PDCD6IP: variants seen among roughly 807,000 people sequenced by gnomAD.
PDCD6IP encodes programmed cell death 6 interacting protein.
In PDCD6IP, 43 loss-of-function variants were observed where a neutral mutation model predicts 103.7. The ratio of observed to expected loss-of-function variants is 0.41; its 90% CI spans 0.32 to 0.53. PDCD6IP has a LOEUF of 0.53. Among genes scored for constraint, PDCD6IP ranks in the 20% least tolerant of loss-of-function variants. The probability of loss-of-function intolerance (pLI) is 0.16; values close to 1 mark genes in which losing one functional copy is unlikely to be tolerated. For synonymous variants in PDCD6IP, 354 were observed against 378.7 expected, an observed-to-expected ratio of 0.93 and a Z score of 0.76; for missense variants, 871 against 1,036.7, an observed-to-expected ratio of 0.84 and a Z score of 2.20.
intron 7 of PDCD6IP, among the ~76,000 whole-genome samples, chr3:33,833,576 T>C (rs1405646359): frequency 1.3e-5 from 2 of 152,224 alleles, no homozygotes; most frequent in Non-Finnish European, 2.9e-5. Flanking sequence ...TCTTTTGCTA[T>C]TTGGCTATCA....
At chr3:33,826,911 A>G in intron 6 of PDCD6IP, 2 of 1,057,764 alleles carry the variant, frequency 1.9e-6, no homozygotes, top group Non-Finnish European at 2.3e-6. Flanking sequence ...TGGTACAAGC[A>G]TGTATACTTG....
At chr3:33,819,017 CTT>C (rs1220630165) in intron 3 of PDCD6IP, among the ~76,000 whole-genome samples, 3 of 151,922 alleles carry the variant, frequency 2.0e-5, no homozygotes, top group Non-Finnish European at 4.4e-5. Flanking sequence ...AGTTTGAACA[CTT>C]ATATCTCCCT....
At position 33,864,106 on chromosome 3, in the gene PDCD6IP, A is replaced by T. The variant is rs757738871; in HGVS notation, c.2221A>T (p.Thr741Ser). 6.2e-7 allele frequency: 1 copy of T among 1,607,348 alleles called. No individual in the cohort carries two copies. The highest frequency in any genetic ancestry group is 8.5e-7 in the Non-Finnish European group (1 of 1,173,984). ...PAGGHAPTPPTPAPRTMPPTK... is the reference protein window; with the variant it reads ...PAGGHAPTPPSPAPRTMPPTK... ...AGGAGGACATGCACCAACTCCTCCA[A>T]CTCCAGCGCCAAGAACCATGCCGGT... is the stretch of plus-strand genomic sequence containing the variant. The change falls in exon 16 of 18, where the codon ACT becomes TCT. Residue 741 changes from threonine (T) to serine (S), a missense_variant. Thr to Ser is a moderately conservative substitution (Grantham distance 58, BLOSUM62 1). Around this residue, in one of 5 missense-constraint regions of PDCD6IP, gnomAD observed 202 missense variants for 205.2 expected, o/e 0.98. Transcript: ENST00000307296.
chr3:33,842,216 C>T (rs2125566573), intron 10 of PDCD6IP, 142 bp downstream of exon 10: 1 of 536,184 alleles, frequency 1.9e-6, no homozygotes, highest in East Asian at 3.0e-5. Context: ...GGCCCAGAGC[C>T]TTCTCTTTAG....
At chr3:33,833,617 G>C (rs1249513902) in intron 7 of PDCD6IP, among the ~76,000 whole-genome samples, 4 of 152,026 alleles carry the variant, frequency 2.6e-5, no homozygotes, top group Non-Finnish European at 4.4e-5. Flanking sequence ...CCAGTCCTCT[G>C]TTCTTTTGGT....
intron 7 of PDCD6IP, among the ~76,000 whole-genome samples, chr3:33,831,789 A>C (rs530632952): frequency 2.9e-4 from 44 of 152,086 alleles, no homozygotes; most frequent in African/African-American, 1.1e-3. Context: ...CACATTGCAC[A>C]TTCTCACTTG....
At chr3:33,820,563 C>T (rs1462889397) in intron 3 of PDCD6IP, among the ~76,000 whole-genome samples, 2 of 152,200 alleles carry the variant, frequency 1.3e-5, no homozygotes, top group African/African-American at 4.8e-5. Flanking sequence ...AACAATCCCC[C>T]TCCCCCTACC....
At chr3:33,858,708 G>T (rs1268330131) in intron 15 of PDCD6IP, among the ~76,000 whole-genome samples, 1 of 152,080 alleles carries the variant, frequency 6.6e-6, no homozygotes, top group African/African-American at 2.4e-5. Flanking sequence ...TACTCGAGAG[G>T]CTGAGACAGG....
chr3:33,822,871 A>T (rs1697024918), intron 4 of PDCD6IP, among the ~76,000 whole-genome samples: 1 of 151,918 alleles, frequency 6.6e-6, no homozygotes, highest in Admixed American at 6.6e-5. Context: ...GTTAGCCAGG[A>T]TGGTCTTGAT....
rs1189949987 is a variant in PDCD6IP, at chr3:33,864,187, T to A, written c.2244+58T>A. 14 of 1,019,584 alleles carry A rather than the reference T, an allele frequency of 1.4e-5. No individual in the cohort carries two copies. In the African/African-American group the frequency reaches 2.2e-4, roughly 16 times the overall value. The allele number at this position is 1,019,584 out of a possible 1,614,324, so 63.2% of individuals were successfully genotyped here. A position where few individuals can be genotyped will look rare whatever the true frequency, so the allele number is the denominator to read the frequency against. ...TTTTACATTAACGATGATTACTTGTTCTAACGGATAAAACATGATTTACAT... is the reference window on the plus strand; with the variant it reads ...TTTTACATTAACGATGATTACTTGTACTAACGGATAAAACATGATTTACAT... On this transcript the variant is annotated intron_variant, in intron 16 of 17. Transcript: ENST00000307296.
intron 5 of PDCD6IP, 53 bp from the exon 6 acceptor site, chr3:33,826,427 A>C (rs1697125018): frequency 1.6e-6 from 2 of 1,235,184 alleles, no homozygotes; most frequent in East Asian, 2.4e-5. Flanking sequence ...ATACTGAGAC[A>C]TGTCAGATTA....
chr3:33,811,930 C>T lies in PDCD6IP; in HGVS notation c.210-142C>T, dbSNP rs150596540. The T allele has an allele frequency of 7.0e-5, 78 of 1,112,478 alleles. No individual in the cohort carries two copies. In the East Asian group the frequency reaches 2.0e-3, roughly 28 times the overall value. The allele number at this position is 1,112,478 out of a possible 1,614,324, so 68.9% of individuals were successfully genotyped here. A position where few individuals can be genotyped will look rare whatever the true frequency, so the allele number is the denominator to read the frequency against. ...ATATATTTTTTAAGCTTCTGGTTTA[C>T]GTATTAAAAAACTTTTTTTCATATA... On this transcript the variant is annotated intron_variant, in intron 1 of 17. Coordinates refer to ENST00000307296, the MANE Select transcript of PDCD6IP (RefSeq NM_013374.6).
chr3:33,831,573 A>G (rs905146521), intron 7 of PDCD6IP, among the ~76,000 whole-genome samples: 1 of 152,160 alleles, frequency 6.6e-6, no homozygotes, highest in African/African-American at 2.4e-5. Flanking sequence ...CTAGCTAATT[A>G]TTTTGTGGGC....
chr3:33,814,046 T>C (rs1014550864), intron 3 of PDCD6IP, among the ~76,000 whole-genome samples: 1 of 152,036 alleles, frequency 6.6e-6, no homozygotes, highest in Non-Finnish European at 1.5e-5. Flanking sequence ...GTCAGAAGGG[T>C]GAGGACATTT....
At chr3:33,840,144 G>GATAAC (rs199884959) in intron 9 of PDCD6IP, among the ~76,000 whole-genome samples, 44,001 of 151,484 alleles carry the variant, frequency 0.29, 6,587 homozygotes, top group East Asian at 0.41. Flanking sequence ...AAGCCTTACC[G>GATAAC]ATAAACAGTC....
intron 4 of PDCD6IP, among the ~76,000 whole-genome samples, chr3:33,824,782 C>CCTAA (rs1697078104): frequency 2.0e-5 from 3 of 152,104 alleles, no homozygotes; most frequent in Admixed American, 6.5e-5. Context: ...TGGGGTGTCC[C>CCTAA]CTAACTACGG....
intron 4 of PDCD6IP, among the ~76,000 whole-genome samples, chr3:33,823,630 A>G (rs1326691107): frequency 6.6e-6 from 1 of 151,988 alleles, no homozygotes; most frequent in African/African-American, 2.4e-5. Flanking sequence ...AAAAATAGAA[A>G]AATTAGCTGG....
At chr3:33,828,825 C>T (rs1697185324) in intron 6 of PDCD6IP, 28 bp from the exon 7 acceptor site, 3 of 1,611,012 alleles carry the variant, frequency 1.9e-6, no homozygotes, top group South Asian at 1.1e-5. Context: ...TGGTTGGACT[C>T]TCCCCTGGTC....
intron 8 of PDCD6IP, 143 bp downstream of exon 8, chr3:33,836,409 A>G: frequency 3.3e-6 from 2 of 603,752 alleles, no homozygotes; most frequent in Non-Finnish European, 3.0e-6. Flanking sequence ...GAGAATAAAT[A>G]TTGTGCCAGT....
Sources: gnomAD v4.1 joint callset for allele counts (sites outside exome capture counted in the v4.1 genomes callset) on GRCh38, gnomAD v4.1.1 for gene constraint, gnomAD v4.1.1 regional missense constraint, MANE v1.5 for transcripts, NCBI Gene and HGNC (gene_info 2026-07-23, HGNC 2026-07-21) for gene names.